Variants in COL23A1 observed in about 807,000 individuals in gnomAD.
COL23A1 encodes the protein collagen alpha-1(XXIII) chain.
A neutral mutation model predicts 99.3 loss-of-function variants in COL23A1; 97 were observed. That is an observed-to-expected ratio of 0.98 (90% CI 0.83 to 1.16). The LOEUF is 1.16. COL23A1 is among the 50% of genes most tolerant of loss of function. The pLI is 0.00. For missense variants in COL23A1, 762 were observed against 757.4 expected (o/e 1.01, Z -0.07); for synonymous variants, 320 against 308.2 (o/e 1.04, Z -0.40).
intron 2 of COL23A1, among the ~76,000 whole-genome samples, chr5:178,388,729 C>T (rs1763802107): frequency 6.6e-6 from 1 of 152,224 alleles, no homozygotes; most frequent in African/African-American, 2.4e-5. Context: ...CCCAGCCATC[C>T]TGTCTCCCAT....
chr5:178,534,402 C>T (rs1055308630), intron 2 of COL23A1, among the ~76,000 whole-genome samples: 4 of 152,206 alleles, frequency 2.6e-5, no homozygotes, highest in African/African-American at 7.2e-5. Context: ...TGTACGAATT[C>T]GCAGGGACAT....
chr5:178,538,008 A>G (rs1164634132), intron 2 of COL23A1, among the ~76,000 whole-genome samples: 5 of 152,198 alleles, frequency 3.3e-5, no homozygotes, highest in Non-Finnish European at 1.5e-5. Flanking sequence ...GGCTTAGTCG[A>G]ATTCATCCAC....
chr5:178,358,305 T>C (rs1489128989), intron 2 of COL23A1, among the ~76,000 whole-genome samples: 7 of 145,524 alleles, frequency 4.8e-5, no homozygotes, highest in African/African-American at 1.4e-4. Context: ...TGTATGTATG[T>C]ATGTGTGTGT....
At chr5:178,398,316 T>G (rs1256674933) in intron 2 of COL23A1, among the ~76,000 whole-genome samples, 3 of 152,182 alleles carry the variant, frequency 2.0e-5, no homozygotes, top group Admixed American at 2.0e-4. Flanking sequence ...GAGAAAAAAT[T>G]ATTCTTTTTT....
intron 2 of COL23A1, among the ~76,000 whole-genome samples, chr5:178,505,033 A>G (rs949253254): frequency 6.6e-6 from 1 of 152,152 alleles, no homozygotes; most frequent in Non-Finnish European, 1.5e-5. Context: ...AAAGCAACAC[A>G]TGTTGACTGT....
chr5:178,438,107 C>A (rs1766662645), intron 2 of COL23A1, among the ~76,000 whole-genome samples: 1 of 152,248 alleles, frequency 6.6e-6, no homozygotes, highest in Admixed American at 6.5e-5. Flanking sequence ...CTGTCCCCAT[C>A]CTCAGATCCT....
chr5:178,393,348 G>T (rs528116787), intron 2 of COL23A1, among the ~76,000 whole-genome samples: 1 of 152,280 alleles, frequency 6.6e-6, no homozygotes, highest in African/African-American at 2.4e-5. Flanking sequence ...ATAAAGATGG[G>T]AAGTAAATGG....
In COL23A1 at chr5:178,309,482, G is replaced by A. The variant is rs975238369; in HGVS notation, c.362-2563C>T. Reference sequence around the variant, plus strand: ...TGAAGCTGGTCATGCACACTCCTGAGGGCTGATCCTAACCAGGCACGGTGC... The same window carrying A: ...TGAAGCTGGTCATGCACACTCCTGAAGGCTGATCCTAACCAGGCACGGTGC... On this transcript the variant is annotated intron_variant, in intron 2 of 28. Transcript: ENST00000390654. This position sits in a 1 kb window ranked among gnomAD's most constrained non-coding sequence, Gnocchi z 4.7. Among the ~76,000 whole-genome samples the A allele has an allele frequency of 1.3e-5, 2 of 152,126 alleles. No individual in the cohort carries two copies. Among genetic ancestry groups the A allele is most frequent in the African/African-American group, 4.8e-5 (2 of 41,428 alleles).
rs1756074314 is a variant in COL23A1, at chr5:178,269,070, A to G, written c.469-314T>C. 1.3e-5 allele frequency among the ~76,000 whole-genome samples: 2 copies of G among 152,090 alleles called. 1 individual carries two copies. The highest frequency in any genetic ancestry group is 4.8e-5 in the African/African-American group (2 of 41,408). ...AGAGAGCACACACGGTCAGTTCCCT[A>G]CTGCTCAGCACCCGCCCTGTCATTG... On this transcript the variant is annotated intron_variant, in intron 6 of 28. Transcript: ENST00000390654.
intron 1 of COL23A1, among the ~76,000 whole-genome samples, chr5:178,572,072 C>CAAAAAAAAAAAA (rs57863132): frequency 0.23 from 24,563 of 104,644 alleles, 3,441 homozygotes; most frequent in African/African-American, 0.28. Context: ...TTTCTCAAAA[C>CAAAAAAAAAAAA]AAAAAAAAAA....
chr5:178,547,517 CCACACACT>C (rs1352609941), intron 2 of COL23A1, among the ~76,000 whole-genome samples: 83 of 127,796 alleles, frequency 6.5e-4, no homozygotes, highest in African/African-American at 2.3e-3. Context: ...ACCCCCACAC[CCACACACT>C]CACACCCACA....
intron 2 of COL23A1, among the ~76,000 whole-genome samples, chr5:178,523,153 T>TATATATACAC (rs1207730372): frequency 1.4e-4 from 13 of 93,736 alleles, no homozygotes; most frequent in Non-Finnish European, 2.6e-4. Context: ...AATATATATA[T>TATATATACAC]ATATATATAC....
At chr5:178,330,205 T>C (rs951504581) in intron 2 of COL23A1, among the ~76,000 whole-genome samples, 1 of 152,246 alleles carries the variant, frequency 6.6e-6, no homozygotes, top group Non-Finnish European at 1.5e-5. Flanking sequence ...TAGGGTCTCC[T>C]GCCCATTTAT....
chr5:178,330,385 T>C (rs10059293), intron 2 of COL23A1, among the ~76,000 whole-genome samples: 3,932 of 152,250 alleles, frequency 0.026, 52 homozygotes, highest in South Asian at 0.051. Flanking sequence ...GGCTGAGCGC[T>C]GTGGCCCATG....
intron 2 of COL23A1, among the ~76,000 whole-genome samples, chr5:178,557,144 G>A (rs1016814931): frequency 2.6e-5 from 4 of 152,114 alleles, no homozygotes; most frequent in African/African-American, 7.2e-5. Context: ...GCATTTTGGT[G>A]TTTCTTGGCT....
intron 8 of COL23A1, chr5:178,265,739 T>C (rs747365484): frequency 5.1e-6 from 5 of 984,708 alleles, no homozygotes; most frequent in Non-Finnish European, 6.0e-6. Flanking sequence ...AGTCAGCAGA[T>C]AGGTTGTGTG....
chr5:178,562,168 A>T, intron 1 of COL23A1: 1 of 474,320 alleles, frequency 2.1e-6, no homozygotes, highest in Non-Finnish European at 4.2e-6. Flanking sequence ...CTTTAACGCG[A>T]GAGGCGGAGG....
At chr5:178,516,252 G>A (rs1286841978) in intron 2 of COL23A1, among the ~76,000 whole-genome samples, 1 of 152,188 alleles carries the variant, frequency 6.6e-6, no homozygotes, top group South Asian at 2.1e-4. Flanking sequence ...AACACCTGCA[G>A]AAGAATCGCC....
At chr5:178,246,866 A>G (rs1764727232) in intron 22 of COL23A1, among the ~76,000 whole-genome samples, 4 of 152,164 alleles carry the variant, frequency 2.6e-5, no homozygotes, top group African/African-American at 7.2e-5. Flanking sequence ...CCTTAAGAGA[A>G]AGCAGAACCA....
Sources: allele counts gnomAD v4.1 joint callset (sites outside exome capture counted in the v4.1 genomes callset), GRCh38; gene constraint gnomAD v4.1.1; non-coding constraint Gnocchi (gnomAD v3.1); transcripts MANE v1.5; gene names NCBI Gene and HGNC (gene_info 2026-07-23, HGNC 2026-07-21).